Variants in PARVA observed in about 807,000 individuals in gnomAD.
PARVA encodes the protein parvin alpha, also known as alpha-parvin.
PARVA carries 25 observed loss-of-function variants against 52.6 expected under a neutral mutation model. That is an observed-to-expected ratio of 0.48 (90% CI 0.35 to 0.66). The LOEUF (loss-of-function observed/expected upper bound fraction) is 0.66. Among genes scored for constraint, PARVA ranks in the 30% least tolerant of loss-of-function variants. PARVA has a pLI of 0.01. For missense variants in PARVA, 373 were observed against 450.9 expected, an observed-to-expected ratio of 0.83 and a Z score of 1.56; for synonymous variants, 185 against 179.1, an observed-to-expected ratio of 1.03 and a Z score of -0.26.
At chr11:12,497,640 G>T (rs547761012) in intron 5 of PARVA, among the ~76,000 whole-genome samples, 1 of 152,262 alleles carries the variant, frequency 6.6e-6, no homozygotes, top group South Asian at 2.1e-4. Context: ...GCTGGGAACA[G>T]GGCACAGGGC....
At chr11:12,527,116 T>C (rs562412355) in intron 12 of PARVA, among the ~76,000 whole-genome samples, 2 of 152,314 alleles carry the variant, frequency 1.3e-5, no homozygotes, top group East Asian at 3.9e-4. Context: ...TATTGGGAAT[T>C]CTCCAGCATA....
intron 12 of PARVA, among the ~76,000 whole-genome samples, chr11:12,527,158 A>G (rs756274467): frequency 6.6e-6 from 1 of 152,190 alleles, no homozygotes; most frequent in Non-Finnish European, 1.5e-5. Context: ...TAAACTTTCC[A>G]CATGGAATTC....
upstream of PARVA, chr11:12,377,156 T>C (rs921304073): frequency 1.4e-5 from 3 of 220,336 alleles, no homozygotes; most frequent in African/African-American, 6.9e-5. Context: ...TGCAGTCTTG[T>C]GGGCGCAAGA....
intron 1 of PARVA, among the ~76,000 whole-genome samples, chr11:12,406,659 C>CTGTT (rs1177070313): frequency 8.1e-5 from 8 of 98,778 alleles, no homozygotes; most frequent in Non-Finnish European, 1.3e-4. Context: ...TAGGTTGTAT[C>CTGTT]TGTTTTTTTT....
At chr11:12,385,157 G>A (rs570218842) in intron 1 of PARVA, among the ~76,000 whole-genome samples, 2 of 152,090 alleles carry the variant, frequency 1.3e-5, no homozygotes, top group Admixed American at 6.5e-5. Context: ...GCAACATGGC[G>A]AAACCCCATC....
rs1941811403 is a variant in PARVA at position 12,534,422 on chromosome 11, C to G, written c.*6497C>G. Among the ~76,000 whole-genome samples, 1 of 152,166 alleles carries G rather than the reference C, an allele frequency of 6.6e-6. No homozygotes were observed. The highest frequency in any genetic ancestry group is 6.5e-5 in the Admixed American group (1 of 15,270). ...TGTTCCTGCCTCAACTCCCCTGAAC[C>G]CTCCTGAACTTTCTACACACATGTG... On this transcript the variant is annotated 3_prime_UTR_variant, in exon 13 of 13. Transcript: ENST00000334956.
At chr11:12,440,512 A>C (rs1004473221) in intron 1 of PARVA, among the ~76,000 whole-genome samples, 7 of 152,336 alleles carry the variant, frequency 4.6e-5, no homozygotes, top group Admixed American at 1.3e-4. Context: ...AAAACAATCC[A>C]TGTATTATAT....
intron 1 of PARVA, among the ~76,000 whole-genome samples, chr11:12,424,888 C>T (rs1471161915): frequency 1.3e-5 from 2 of 152,146 alleles, no homozygotes; most frequent in African/African-American, 4.8e-5. Flanking sequence ...TATGTGCTAG[C>T]TCTGTCTTTG....
chr11:12,449,935 T>G lies in PARVA; in HGVS notation c.137-23810T>G, dbSNP rs1352918147. On this transcript the variant is annotated intron_variant, in intron 1 of 12. Coordinates refer to ENST00000334956, the MANE Select transcript of PARVA (RefSeq NM_018222.5). ...TTCTACTCCCCAGATTCTTGCAAAA[T>G]AATAATCACCACTAGCGACTAACAT... Among the ~76,000 whole-genome samples the G allele has an allele frequency of 7.9e-5, 12 of 152,224 alleles. No homozygotes were observed. The East Asian group carries it at 2.1e-3, about 27-fold the overall frequency.
intron 1 of PARVA, among the ~76,000 whole-genome samples, chr11:12,453,260 G>A (rs1459568748): frequency 6.6e-6 from 1 of 152,112 alleles, no homozygotes; most frequent in East Asian, 1.9e-4. Flanking sequence ...TTAGAGATAG[G>A]AGGGAAGGGG....
intron 1 of PARVA, among the ~76,000 whole-genome samples, chr11:12,422,306 A>G (rs6485724): frequency 0.97 from 147,536 of 152,322 alleles, 71,622 homozygotes; most frequent in East Asian, 1. Context: ...CATTGGTTAC[A>G]TTTCTTTCTG....
chr11:12,504,412 C>T lies in PARVA; in HGVS notation c.640C>T (p.Gln214Ter). Reference protein sequence around the residue: ...PIRLPDHVSIQVVVVQKREGI... With the variant: ...PIRLPDHVSI ...TCGACTCCCAGACCATGTTTCCATC[C>T]AAGTGGTTGTGGTCCAGGTAAGACA... is the stretch of plus-strand genomic sequence containing the variant. The change falls in exon 6 of 13, where the codon CAA (glutamine) becomes TAA (stop). Residue 214 changes from glutamine (Q) to a stop codon, truncating the protein, a stop_gained. Coordinates refer to ENST00000334956, the MANE Select transcript of PARVA (RefSeq NM_018222.5). LOFTEE classifies it high-confidence loss of function. 6.2e-7 allele frequency: 1 copy of T among 1,611,644 alleles called. No homozygotes were observed. The highest frequency in any genetic ancestry group is 8.5e-7 in the Non-Finnish European group (1 of 1,177,848).
At chr11:12,478,130 A>G (rs758319686) in intron 4 of PARVA, 181 bp downstream of exon 4, 2 of 687,938 alleles carry the variant, frequency 2.9e-6, no homozygotes, top group Admixed American at 2.0e-5. Context: ...AATGTTTCAT[A>G]TGAATGAATT....
chr11:12,438,802 C>G (rs1207356438), intron 1 of PARVA, among the ~76,000 whole-genome samples: 2 of 152,130 alleles, frequency 1.3e-5, no homozygotes, highest in African/African-American at 4.8e-5. Flanking sequence ...TAGTCAGTGG[C>G]AGCATTAGGT....
Position 12,431,567 on chromosome 11 carries a change from A to G in PARVA, c.137-42178A>G, listed in dbSNP as rs78094156. Among the ~76,000 whole-genome samples, 4 of 152,328 alleles carry G rather than the reference A, an allele frequency of 2.6e-5. No homozygotes were observed. The East Asian group carries it at 7.7e-4, about 29-fold the overall frequency. On this transcript the variant is annotated intron_variant, in intron 1 of 12. Transcript: ENST00000334956. ...TGTTCCCAGATGGCTTCACTCATTC[A>G]TTCCCACACCCTAGGTCTTTTAAAT...
At chr11:12,377,531 C>T, upstream of PARVA, 1 of 1,449,606 alleles carries the variant, frequency 6.9e-7, no homozygotes, top group South Asian at 1.3e-5. Context: ...GCCTCAAATG[C>T]TTGGAATAAT....
At chr11:12,489,307 A>G (rs1432413529) in intron 4 of PARVA, among the ~76,000 whole-genome samples, 3 of 152,184 alleles carry the variant, frequency 2.0e-5, no homozygotes, top group Non-Finnish European at 4.4e-5. Flanking sequence ...GATATGAAAA[A>G]CAACCAAATA....
Position 12,533,970 on chromosome 11 carries a change from T to C in PARVA, c.*6045T>C, listed in dbSNP as rs1391764232. On this transcript the variant is annotated 3_prime_UTR_variant, in exon 13 of 13. Coordinates refer to ENST00000334956, the MANE Select transcript of PARVA (RefSeq NM_018222.5). Reference sequence around the variant, plus strand: ...GATCACAAGGTCAGGAGATTGAGACTATCCTGGCTAATATGGTGAAACCCC... The same window carrying C: ...GATCACAAGGTCAGGAGATTGAGACCATCCTGGCTAATATGGTGAAACCCC... Among the ~76,000 whole-genome samples, 2 of 152,008 alleles carry C rather than the reference T, an allele frequency of 1.3e-5. No homozygotes were observed. Among genetic ancestry groups the C allele is most frequent in the Non-Finnish European group, 2.9e-5 (2 of 68,010 alleles).
chr11:12,503,049 C>T (rs1426754514), intron 5 of PARVA, among the ~76,000 whole-genome samples: 1 of 152,174 alleles, frequency 6.6e-6, no homozygotes, highest in Non-Finnish European at 1.5e-5. Context: ...GAGAAAACTA[C>T]AACCCAGTGT....
Sources: allele counts gnomAD v4.1 joint callset (sites outside exome capture counted in the v4.1 genomes callset), GRCh38; gene constraint gnomAD v4.1.1; transcripts MANE v1.5; gene names NCBI Gene and HGNC (gene_info 2026-07-23, HGNC 2026-07-21).